Variants in PARP8 observed in about 807,000 individuals in gnomAD.
PARP8 encodes the protein protein mono-ADP-ribosyltransferase PARP8.
In PARP8, 51 loss-of-function variants were observed where a neutral mutation model predicts 124.1. That is an observed-to-expected ratio of 0.41 (90% CI 0.33 to 0.52). The LOEUF is 0.52. PARP8 is among the 20% of genes least tolerant of loss of function. The probability of loss-of-function intolerance (pLI) is 0.21; values close to 1 mark genes in which losing one functional copy is unlikely to be tolerated. For missense variants in PARP8, 860 were observed against 1,018.9 expected (o/e 0.84, Z 2.12); for synonymous variants, 391 against 361.5 (o/e 1.08, Z -0.93).
chr5:50,830,084 A>T, intron 22 of PARP8, 123 bp downstream of exon 22: 1 of 1,173,448 alleles, frequency 8.5e-7, no homozygotes, highest in Non-Finnish European at 1.1e-6. Flanking sequence ...TTTGTTTGCT[A>T]AATGTCAAAA....
intron 3 of PARP8, 21 bp from the exon 4 acceptor site, chr5:50,759,622 C>T (rs200818642): frequency 3.0e-4 from 394 of 1,326,614 alleles, no homozygotes; most frequent in South Asian, 8.6e-4. Flanking sequence ...CTTTCATTAT[C>T]TTTTTTTTTT....
At chr5:50,800,320 ATTAAG>A (rs949907518) in intron 14 of PARP8, among the ~76,000 whole-genome samples, 33 of 152,262 alleles carry the variant, frequency 2.2e-4, no homozygotes, top group African/African-American at 7.7e-4. Context: ...TGTTAGCTCT[ATTAAG>A]TTATTTTTGG....
chr5:50,799,261 T>A (rs1329765324), intron 14 of PARP8, among the ~76,000 whole-genome samples: 2 of 152,198 alleles, frequency 1.3e-5, no homozygotes, highest in African/African-American at 4.8e-5. Context: ...TAGGTTGGGG[T>A]CCAAAGTCAT....
intron 14 of PARP8, among the ~76,000 whole-genome samples, chr5:50,798,336 C>T (rs986754280): frequency 3.3e-5 from 5 of 152,026 alleles, no homozygotes; most frequent in Non-Finnish European, 7.4e-5. Flanking sequence ...AGTCTCTATA[C>T]ATCTTCCCCA....
chr5:50,798,736 C>T (rs560905637), intron 14 of PARP8, among the ~76,000 whole-genome samples: 99 of 152,162 alleles, frequency 6.5e-4, no homozygotes, highest in Non-Finnish European at 1.1e-3. Context: ...CCACCGCACC[C>T]GGCCGAAGCA....
Position 50,666,872 on chromosome 5 carries a change from G to C in PARP8, c.-224G>C. On this transcript the variant is annotated 5_prime_UTR_variant, in exon 1 of 26. Transcript: ENST00000281631. ...CAGCAGCGGCGAGCAGCAGCTGGGC[G>C]GTCACATCTGGGAATGCAAAGCCGA... 2 of 1,389,450 alleles carry C rather than the reference G, an allele frequency of 1.4e-6. No homozygotes were observed. The highest frequency in any genetic ancestry group is 1.9e-6 in the Non-Finnish European group (2 of 1,073,600). The allele number at this position is 1,389,450 out of a possible 1,614,324, so 86.1% of individuals were successfully genotyped here.
At chr5:50,835,179 C>T (rs943200469) in intron 25 of PARP8, among the ~76,000 whole-genome samples, 164 bp downstream of exon 25, 23 of 152,208 alleles carry the variant, frequency 1.5e-4, no homozygotes, top group Admixed American at 9.2e-4. Context: ...TTAAAAAAAT[C>T]TAAATAATTT....
intron 2 of PARP8, among the ~76,000 whole-genome samples, chr5:50,734,445 A>T (rs149383263): frequency 6.6e-6 from 1 of 152,300 alleles, no homozygotes; most frequent in East Asian, 1.9e-4. Context: ...TAAAGTCATG[A>T]TAATCATATA....
At chr5:50,706,471 T>A (rs1306469025) in intron 2 of PARP8, among the ~76,000 whole-genome samples, 2 of 152,094 alleles carry the variant, frequency 1.3e-5, no homozygotes, top group African/African-American at 4.8e-5. Flanking sequence ...ATGGTAAACT[T>A]CTTAGGATTG....
rs1350048257 is a variant in PARP8, at chr5:50,826,303, T to G, written c.1929-452T>G. ...TTGTATGTAAACCATTGTATATATA[T>G]CAGCTCAAAGAGATCCTCAAATATT... On this transcript the variant is annotated intron_variant, in intron 18 of 25. Coordinates refer to ENST00000281631, the MANE Select transcript of PARP8 (RefSeq NM_024615.4). Among the ~76,000 whole-genome samples, 3 of 152,108 alleles carry G rather than the reference T, an allele frequency of 2.0e-5. No homozygotes were observed. The East Asian group carries it at 5.8e-4, about 29-fold the overall frequency.
intron 2 of PARP8, among the ~76,000 whole-genome samples, chr5:50,736,642 A>C (rs1181933128): frequency 6.6e-6 from 1 of 152,182 alleles, no homozygotes; most frequent in Non-Finnish European, 1.5e-5. Context: ...TAGCAGACAA[A>C]ATTTATTTGT....
intron 2 of PARP8, among the ~76,000 whole-genome samples, chr5:50,732,679 C>T (rs533813322): frequency 1.5e-4 from 22 of 151,554 alleles, no homozygotes; most frequent in African/African-American, 4.8e-4. Flanking sequence ...AGTGCAGTGG[C>T]GCGATCTTGT....
intron 22 of PARP8, among the ~76,000 whole-genome samples, chr5:50,831,021 AC>A (rs2149716701): frequency 6.6e-6 from 1 of 152,314 alleles, no homozygotes; most frequent in Admixed American, 6.5e-5. Flanking sequence ...TCCAACCATA[AC>A]AAGTTGTTTC....
chr5:50,770,605 AAAGG>A lies in PARP8; in HGVS notation c.518+7381_518+7384del, dbSNP rs926307647. 4.6e-5 allele frequency among the ~76,000 whole-genome samples: 7 copies of A among 151,718 alleles called. No individual in the cohort carries two copies. In the East Asian group the frequency reaches 9.7e-4, roughly 21 times the overall value. On this transcript the variant is annotated intron_variant, in intron 7 of 25. Coordinates refer to ENST00000281631, the MANE Select transcript of PARP8 (RefSeq NM_024615.4). ...GGAAAAAAGAAAGAGAAAGAAAAAG[AAAGG>A]AAGGAAGGAAGGAAGGAGGGAGGGA...
chr5:50,704,153 C>G (rs1224673354), intron 2 of PARP8, among the ~76,000 whole-genome samples: 1 of 152,076 alleles, frequency 6.6e-6, no homozygotes, highest in Admixed American at 6.6e-5. Context: ...CTGCCTTAAG[C>G]TGGAGAGTTT....
At chr5:50,764,987 C>T (rs1242547646) in intron 7 of PARP8, among the ~76,000 whole-genome samples, 8 of 151,574 alleles carry the variant, frequency 5.3e-5, no homozygotes, top group South Asian at 2.1e-4. Flanking sequence ...GGTTGCTGGG[C>T]GCGGTGGCTC....
intron 2 of PARP8, among the ~76,000 whole-genome samples, chr5:50,698,614 A>G (rs1311461631): frequency 6.6e-6 from 1 of 152,152 alleles, no homozygotes; most frequent in East Asian, 1.9e-4. Context: ...GAGCAGGAGA[A>G]AAGCCAAGGA....
intron 9 of PARP8, among the ~76,000 whole-genome samples, chr5:50,786,248 G>A (rs1167543261): frequency 1.3e-5 from 2 of 151,816 alleles, no homozygotes; most frequent in Non-Finnish European, 2.9e-5. Flanking sequence ...CACTGCTCTT[G>A]TCAATGTCAT....
chr5:50,671,517 TA>T (rs1561223314), intron 2 of PARP8, among the ~76,000 whole-genome samples: 7 of 144,244 alleles, frequency 4.9e-5, no homozygotes, highest in African/African-American at 7.7e-5. Context: ...AAAAAAAAAA[TA>T]AAAAAAAAGT....
Sources: allele counts gnomAD v4.1 joint callset (sites outside exome capture counted in the v4.1 genomes callset), GRCh38; gene constraint gnomAD v4.1.1; transcripts MANE v1.5; gene names NCBI Gene and HGNC (gene_info 2026-07-23, HGNC 2026-07-21).